Variants in CTNND2 observed in about 807,000 individuals in gnomAD.
CTNND2 encodes catenin delta-2.
In CTNND2, 22 loss-of-function variants were observed where a neutral mutation model predicts 144.4. The ratio of observed to expected loss-of-function variants is 0.15; its 90% confidence interval spans 0.11 to 0.22. The LOEUF is 0.22. CTNND2 is among the 10% of genes least tolerant of loss of function. The pLI, the probability that CTNND2 is intolerant of heterozygous loss-of-function variation, is 1.00. For missense variants in CTNND2, 1,353 were observed against 1,618.8 expected (o/e 0.84, Z 2.82); for synonymous variants, 751 against 695.6 (o/e 1.08, Z -1.25).
chr5:11,275,853 G>C (rs1313129147), intron 9 of CTNND2, among the ~76,000 whole-genome samples: 1 of 152,188 alleles, frequency 6.6e-6, no homozygotes, highest in Non-Finnish European at 1.5e-5. Context: ...TTTACTAATT[G>C]TGTTTTCTAG....
intron 15 of CTNND2, among the ~76,000 whole-genome samples, chr5:11,093,468 T>A (rs1165100064): frequency 6.6e-6 from 1 of 152,206 alleles, no homozygotes; most frequent in Non-Finnish European, 1.5e-5. Flanking sequence ...ATTATGTTTT[T>A]CTGATGCTCA....
chr5:11,404,667 G>C (rs765045594), intron 5 of CTNND2, among the ~76,000 whole-genome samples: 1 of 128,636 alleles, frequency 7.8e-6, no homozygotes, highest in Non-Finnish European at 1.6e-5. Context: ...GCCAGAGCTG[G>C]AGTGGAGTGA....
At chr5:11,162,464 G>A (rs1289534216) in intron 11 of CTNND2, among the ~76,000 whole-genome samples, 1 of 152,016 alleles carries the variant, frequency 6.6e-6, no homozygotes, top group African/African-American at 2.4e-5. Flanking sequence ...TCAGAATCAC[G>A]AACAAACAGA....
chr5:11,158,372 T>C (rs1758425935), intron 12 of CTNND2, among the ~76,000 whole-genome samples: 1 of 152,182 alleles, frequency 6.6e-6, no homozygotes, highest in South Asian at 2.1e-4. Context: ...GGTTATGAAA[T>C]GGATGCCTCA....
At chr5:11,624,202 T>C (rs1176170339) in intron 2 of CTNND2, among the ~76,000 whole-genome samples, 3 of 152,064 alleles carry the variant, frequency 2.0e-5, no homozygotes, top group Non-Finnish European at 4.4e-5. Context: ...AAAATCTCAT[T>C]GGATCCTTGG....
chr5:11,118,263 G>T (rs1421051490), intron 12 of CTNND2, among the ~76,000 whole-genome samples: 1 of 152,196 alleles, frequency 6.6e-6, no homozygotes, highest in South Asian at 2.1e-4. Context: ...GGTGCTTTTA[G>T]TTACTCTACC....
intron 2 of CTNND2, among the ~76,000 whole-genome samples, chr5:11,706,833 C>T (rs1022583001): frequency 1.3e-5 from 2 of 152,012 alleles, no homozygotes; most frequent in Non-Finnish European, 2.9e-5. Context: ...GGCCTGTAAT[C>T]CCAGCACTTT....
chr5:11,785,258 T>C (rs1252097898), intron 1 of CTNND2, among the ~76,000 whole-genome samples: 2 of 152,174 alleles, frequency 1.3e-5, no homozygotes, highest in Admixed American at 6.5e-5. Context: ...AGGATGATAG[T>C]GTGTTGGTCA....
At chr5:11,090,975 C>G (rs1561288351) in intron 15 of CTNND2, among the ~76,000 whole-genome samples, 1 of 151,958 alleles carries the variant, frequency 6.6e-6, no homozygotes, top group Admixed American at 6.6e-5. Flanking sequence ...GATTTTGATG[C>G]ACCTTGGTTT....
intron 11 of CTNND2, among the ~76,000 whole-genome samples, chr5:11,184,380 T>C (rs1735407434): frequency 6.6e-6 from 1 of 152,212 alleles, no homozygotes; most frequent in African/African-American, 2.4e-5. Context: ...AAAATAAATT[T>C]GTGAACAGAG....
chr5:11,715,180 T>C (rs1255942272), intron 2 of CTNND2, among the ~76,000 whole-genome samples: 1 of 152,122 alleles, frequency 6.6e-6, no homozygotes, highest in Non-Finnish European at 1.5e-5. Context: ...CAAGTTTAGT[T>C]CCATAGCCAG....
intron 7 of CTNND2, among the ~76,000 whole-genome samples, chr5:11,380,679 G>C (rs1309001777): frequency 6.6e-5 from 10 of 152,158 alleles, no homozygotes; most frequent in Admixed American, 6.5e-4. Context: ...CTGAATTGTA[G>C]TGTTTTCCCA....
chr5:11,478,332 A>G (rs1463435166), intron 3 of CTNND2, among the ~76,000 whole-genome samples: 1 of 152,168 alleles, frequency 6.6e-6, no homozygotes, highest in Admixed American at 6.5e-5. Flanking sequence ...AATACAGCTG[A>G]TTGAATGTAA....
chr5:11,744,668 A>AGT (rs529940170), intron 1 of CTNND2, among the ~76,000 whole-genome samples: 10,847 of 98,648 alleles, frequency 0.11, 1,054 homozygotes, highest in African/African-American at 0.28. Context: ...CTTGAAGAGG[A>AGT]GTGTGTGTGT....
intron 11 of CTNND2, among the ~76,000 whole-genome samples, chr5:11,166,230 G>A (rs1398858983): frequency 6.7e-6 from 1 of 150,138 alleles, no homozygotes; most frequent in Non-Finnish European, 1.5e-5. Context: ...AAAAGGAGAA[G>A]AATGGGGACA....
In CTNND2 at chr5:11,670,869, G is replaced by A. The variant is rs145306279; in HGVS notation, c.174+61267C>T. Among the ~76,000 whole-genome samples, 1,297 of 152,206 alleles carry A rather than the reference G, an allele frequency of 8.5e-3. 12 individuals carry two copies. Among genetic ancestry groups the A allele is most frequent in the Non-Finnish European group, 0.015 (1,009 of 68,012 alleles). The stretch of plus-strand genomic sequence containing the variant: ...TTAGTTGATGAAGTTTCTTCATAGT[G>A]TCAATGGTCTTTACAATTTGGTATG... On this transcript the variant is annotated intron_variant, in intron 2 of 21. Coordinates refer to ENST00000304623, the MANE Select transcript of CTNND2 (RefSeq NM_001332.4).
At chr5:11,612,879 G>A (rs1780400646) in intron 2 of CTNND2, among the ~76,000 whole-genome samples, 1 of 151,956 alleles carries the variant, frequency 6.6e-6, no homozygotes, top group Non-Finnish European at 1.5e-5. Context: ...CAGCCTAGGT[G>A]AAAAAGGGAG....
chr5:11,815,527 A>G (rs1180868314), intron 1 of CTNND2, among the ~76,000 whole-genome samples: 2 of 152,222 alleles, frequency 1.3e-5, no homozygotes, highest in Admixed American at 1.3e-4. Context: ...TAGGCTACAT[A>G]AACAACATTA....
chr5:11,522,781 T>C (rs78604441), intron 3 of CTNND2, among the ~76,000 whole-genome samples: 2,859 of 152,290 alleles, frequency 0.019, 94 homozygotes, highest in African/African-American at 0.066. Context: ...TTATTCCATA[T>C]AGACACAGGT....
Sources: gnomAD v4.1 joint callset for allele counts (sites outside exome capture counted in the v4.1 genomes callset) on GRCh38, gnomAD v4.1.1 for gene constraint, MANE v1.5 for transcripts, NCBI Gene and HGNC (gene_info 2026-07-23, HGNC 2026-07-21) for gene names.